The following NYAP2 variants were observed in gnomAD, a reference collection of about 807,000 sequenced individuals.
NYAP2 encodes neuronal tyrosine-phosphorylated phosphoinositide-3-kinase adaptor 2.
In NYAP2, 23 loss-of-function variants were observed where a neutral mutation model predicts 50.4. That is an observed-to-expected ratio of 0.46 (90% CI 0.33 to 0.65). The LOEUF is 0.65. Among genes scored for constraint, NYAP2 ranks in the 30% least tolerant of loss-of-function variants. NYAP2 has a pLI of 0.02. For missense variants in NYAP2, 885 were observed against 861.0 expected (o/e 1.03, Z -0.35); for synonymous variants, 394 against 365.2 (o/e 1.08, Z -0.90).
chr2:225,410,147 T>C (rs1695010953), intron 3 of NYAP2, among the ~76,000 whole-genome samples: 1 of 152,014 alleles, frequency 6.6e-6, no homozygotes, highest in Non-Finnish European at 1.5e-5. Context: ...AAAATAACTT[T>C]ATGGAGAGAG....
In NYAP2 at chr2:225,645,766, G is replaced by A. The variant is rs548388230; in HGVS notation, c.1829-5666G>A. Among the ~76,000 whole-genome samples the A allele has an allele frequency of 3.9e-5, 6 of 152,198 alleles. No individual in the cohort carries two copies. In the South Asian group the frequency reaches 1.2e-3, roughly 32 times the overall value. ...CTTGTTGGTGGACCCCAAAATTCTT[G>A]GCAATTATTCTATTAAAATTCAGGA... On this transcript the variant is annotated intron_variant, in intron 6 of 6. Transcript: ENST00000636099.
chr2:225,468,072 G>A (rs1267056559), intron 3 of NYAP2, among the ~76,000 whole-genome samples: 2 of 152,162 alleles, frequency 1.3e-5, no homozygotes, highest in African/African-American at 4.8e-5. Flanking sequence ...CACTTTTAGG[G>A]AAATGTTTGG....
chr2:225,565,600 T>C (rs1426515973), intron 4 of NYAP2, among the ~76,000 whole-genome samples: 1 of 152,002 alleles, frequency 6.6e-6, no homozygotes, highest in Non-Finnish European at 1.5e-5. Context: ...TCTCCTATCT[T>C]CCAATGTAGT....
intron 3 of NYAP2, among the ~76,000 whole-genome samples, chr2:225,490,102 A>G (rs1470334284): frequency 1.3e-5 from 2 of 152,174 alleles, no homozygotes; most frequent in African/African-American, 4.8e-5. Context: ...TTGACAAGTC[A>G]AACTGTGTTT....
At chr2:225,550,421 T>C (rs1162991946) in intron 4 of NYAP2, among the ~76,000 whole-genome samples, 1 of 152,216 alleles carries the variant, frequency 6.6e-6, no homozygotes, top group Admixed American at 6.5e-5. Context: ...TCTATTAGAT[T>C]TGGCAATATT....
intron 3 of NYAP2, among the ~76,000 whole-genome samples, chr2:225,461,815 G>T (rs2106154292): frequency 6.6e-6 from 1 of 152,276 alleles, no homozygotes; most frequent in Middle Eastern, 3.4e-3. Context: ...AATCATTGGT[G>T]ATAATAATTA....
chr2:225,591,288 C>T (rs1394939858), intron 5 of NYAP2, among the ~76,000 whole-genome samples: 1 of 152,114 alleles, frequency 6.6e-6, no homozygotes, highest in Non-Finnish European at 1.5e-5. Context: ...TACTGGCAAT[C>T]TGGGGCTCTA....
At chr2:225,572,074 A>T (rs1356580019) in intron 4 of NYAP2, among the ~76,000 whole-genome samples, 1 of 152,258 alleles carries the variant, frequency 6.6e-6, no homozygotes. Context: ...TCTCCAACTG[A>T]GACCACTTCA....
intron 3 of NYAP2, among the ~76,000 whole-genome samples, chr2:225,475,673 A>G (rs1486790484): frequency 6.6e-6 from 1 of 152,210 alleles, no homozygotes; most frequent in Non-Finnish European, 1.5e-5. Context: ...CAGAAATCAG[A>G]TATTTTGCAA....
the NYAP2 span, among the ~76,000 whole-genome samples, chr2:225,665,230 G>C: frequency 6.6e-6 from 1 of 151,726 alleles, no homozygotes; most frequent in African/African-American, 2.4e-5. Flanking sequence ...CCCTGGCTTT[G>C]CTGAGCAGGT....
intron 5 of NYAP2, among the ~76,000 whole-genome samples, chr2:225,591,796 G>T (rs1692510181): frequency 6.6e-6 from 1 of 152,112 alleles, no homozygotes; most frequent in Admixed American, 6.5e-5. Context: ...TTCATCAAAA[G>T]TCTAAGGGCT....
intron 3 of NYAP2, among the ~76,000 whole-genome samples, chr2:225,439,711 G>A (rs1689439603): frequency 6.6e-6 from 1 of 152,164 alleles, no homozygotes; most frequent in Admixed American, 6.5e-5. Flanking sequence ...GGGAAGCTAA[G>A]CAAATGTCAG....
chr2:225,569,260 GA>G (rs1408684688), intron 4 of NYAP2, among the ~76,000 whole-genome samples: 1 of 152,176 alleles, frequency 6.6e-6, no homozygotes. Context: ...CAGGTGTGTT[GA>G]CAGACTTCAG....
intron 3 of NYAP2, among the ~76,000 whole-genome samples, chr2:225,500,118 A>C (rs1350108378): frequency 6.6e-6 from 1 of 152,296 alleles, no homozygotes; most frequent in Middle Eastern, 3.4e-3. Context: ...AAATATGTAG[A>C]GGAGAAAGAC....
At chr2:225,576,078 G>C (rs1220463061) in intron 4 of NYAP2, among the ~76,000 whole-genome samples, 1 of 152,218 alleles carries the variant, frequency 6.6e-6, no homozygotes, top group Non-Finnish European at 1.5e-5. Context: ...GCAAAAGTGA[G>C]TGTAAATAAA....
chr2:225,434,014 C>A (rs139053939), intron 3 of NYAP2, among the ~76,000 whole-genome samples: 119 of 152,182 alleles, frequency 7.8e-4, no homozygotes, highest in African/African-American at 2.8e-3. Flanking sequence ...ATAAAAAGAT[C>A]TATCATCACA....
chr2:225,601,296 T>A lies in NYAP2; in HGVS notation c.1618+18261T>A, dbSNP rs140734447. Among the ~76,000 whole-genome samples, 1,057 of 152,126 alleles carry A rather than the reference T, an allele frequency of 6.9e-3. 16 individuals are homozygous for A. The highest frequency in any genetic ancestry group is 0.024 in the African/African-American group (1,008 of 41,496). On this transcript the variant is annotated intron_variant, in intron 5 of 6. Transcript: ENST00000636099. ...CCACCACGACCAGCTAATTTTTGTA[T>A]TTTTAGTAGAGACGGGGTTTCACCA...
At chr2:225,672,111 C>G in the NYAP2 span, among the ~76,000 whole-genome samples, 1 of 152,078 alleles carries the variant, frequency 6.6e-6, no homozygotes, top group African/African-American at 2.4e-5. Flanking sequence ...GCATTAACTC[C>G]TAACAAGAGA....
intron 3 of NYAP2, among the ~76,000 whole-genome samples, chr2:225,446,454 A>AACAAAACAAC (rs1689567428): frequency 1.3e-5 from 2 of 152,022 alleles, no homozygotes; most frequent in Middle Eastern, 3.4e-3. Context: ...AACAAAACAA[A>AACAAAACAAC]AACCCAAAAA....
Sources: allele counts gnomAD v4.1 joint callset (sites outside exome capture counted in the v4.1 genomes callset), GRCh38; gene constraint gnomAD v4.1.1; transcripts MANE v1.5; gene names NCBI Gene and HGNC (gene_info 2026-07-23, HGNC 2026-07-21).